SLCO3A1: variants seen among roughly 807,000 people sequenced by gnomAD.
SLCO3A1 encodes PGE1 transporter.
Under a neutral mutation model 63.1 loss-of-function variants are expected in SLCO3A1, and 27 were observed. The ratio of observed to expected loss-of-function variants is 0.43; its 90% CI spans 0.32 to 0.59. SLCO3A1 has a LOEUF of 0.59. SLCO3A1 is among the 20% of genes least tolerant of loss of function. SLCO3A1 has a pLI of 0.09. For missense variants in SLCO3A1, 773 were observed against 945.8 expected (o/e 0.82, Z 2.40); for synonymous variants, 473 against 409.9 (o/e 1.15, Z -1.86).
At chr15:91,876,271 A>G (rs1897396273) in intron 1 of SLCO3A1, among the ~76,000 whole-genome samples, 1 of 152,232 alleles carries the variant, frequency 6.6e-6, no homozygotes, top group Admixed American at 6.5e-5. Flanking sequence ...GGACCAAATG[A>G]GATAAAGTGT....
At chr15:91,963,966 C>T (rs1005003694) in intron 2 of SLCO3A1, among the ~76,000 whole-genome samples, 3 of 152,124 alleles carry the variant, frequency 2.0e-5, no homozygotes, top group Non-Finnish European at 4.4e-5. Flanking sequence ...TTACAGAGTG[C>T]TGATTGGTCC....
intron 7 of SLCO3A1, among the ~76,000 whole-genome samples, chr15:92,145,738 CT>C (rs2048213161): frequency 6.6e-6 from 1 of 152,176 alleles, no homozygotes; most frequent in Admixed American, 6.5e-5. Flanking sequence ...ATAAATGCCC[CT>C]GGGTACCCTA....
intron 2 of SLCO3A1, among the ~76,000 whole-genome samples, chr15:92,008,547 CT>C (rs2046336771): frequency 6.6e-6 from 1 of 152,306 alleles, no homozygotes; most frequent in Middle Eastern, 3.4e-3. Context: ...TTGTGACCTC[CT>C]TTCTAAACTG....
At chr15:92,106,681 A>C (rs756568322) in intron 4 of SLCO3A1, among the ~76,000 whole-genome samples, 16 of 152,218 alleles carry the variant, frequency 1.1e-4, no homozygotes, top group Non-Finnish European at 1.8e-4. Context: ...CAATGGTGCC[A>C]TCAGAGAACT....
At chr15:92,117,701 C>A (rs1037163039) in intron 4 of SLCO3A1, among the ~76,000 whole-genome samples, 3 of 152,196 alleles carry the variant, frequency 2.0e-5, no homozygotes, top group African/African-American at 7.2e-5. Flanking sequence ...CACAGGTACA[C>A]TACACCATCA....
chr15:91,987,013 C>A (rs1274535972), intron 2 of SLCO3A1, among the ~76,000 whole-genome samples: 1 of 152,128 alleles, frequency 6.6e-6, no homozygotes, highest in African/African-American at 2.4e-5. Flanking sequence ...GGCAGGGACA[C>A]AGGCAAGGAC....
chr15:92,147,575 A>G (rs1490740687), intron 8 of SLCO3A1, among the ~76,000 whole-genome samples: 1 of 152,106 alleles, frequency 6.6e-6, no homozygotes, highest in African/African-American at 2.4e-5. Flanking sequence ...TGGGGGTGAT[A>G]TGACCCATCC....
At chr15:92,104,152 A>C in intron 3 of SLCO3A1, 127 bp from the exon 4 acceptor site, 8 of 1,055,334 alleles carry the variant, frequency 7.6e-6, no homozygotes, top group Non-Finnish European at 1.1e-5. Context: ...CCTGGCAGCC[A>C]GTGTTCCCGA....
intron 2 of SLCO3A1, among the ~76,000 whole-genome samples, chr15:92,085,270 C>G (rs74030470): frequency 1.3e-5 from 2 of 152,152 alleles, no homozygotes; most frequent in Non-Finnish European, 2.9e-5. Context: ...TCAGAGTAGC[C>G]GTGTGCCTGC....
Position 91,922,196 on chromosome 15 carries a change from G to GCACACA in SLCO3A1, c.646+5746_646+5751dup, listed in dbSNP as rs71156620. ...GTTAGGCAGACACACGCGCGTGCACGCACACACACACACGGCACAGAGACA... is the reference window on the plus strand; with the variant it reads ...GTTAGGCAGACACACGCGCGTGCACGCACACACACACACACACACGGCACAGAGACA... On this transcript the variant is annotated intron_variant, in intron 2 of 9. Coordinates refer to ENST00000318445, the MANE Select transcript of SLCO3A1 (RefSeq NM_013272.4). Among the ~76,000 whole-genome samples, 18 of 151,432 alleles carry GCACACA rather than the reference G, an allele frequency of 1.2e-4. No homozygotes were observed. The East Asian group carries it at 2.0e-3, about 16-fold the overall frequency.
chr15:92,030,409 G>A (rs7498044), intron 2 of SLCO3A1, among the ~76,000 whole-genome samples: 28,164 of 152,140 alleles, frequency 0.19, 2,816 homozygotes, highest in Non-Finnish European at 0.21. Flanking sequence ...GATGGTGGTG[G>A]TGGGCTGGCA....
At chr15:92,057,422 G>T (rs1487201648) in intron 2 of SLCO3A1, among the ~76,000 whole-genome samples, 1 of 152,188 alleles carries the variant, frequency 6.6e-6, no homozygotes, top group Admixed American at 6.5e-5. Context: ...ATATTGGCAG[G>T]CTCCAAGCAT....
At chr15:92,075,625 A>T (rs1229165175) in intron 2 of SLCO3A1, among the ~76,000 whole-genome samples, 1 of 152,204 alleles carries the variant, frequency 6.6e-6, no homozygotes, top group Non-Finnish European at 1.5e-5. Flanking sequence ...TCAGACAGAT[A>T]GTTTGGCCAT....
rs138254557 is a variant in SLCO3A1, at chr15:92,082,353, C to T, written c.647-12528C>T. ...ACGAAGGCAAGTGGGTGATGAGAAA[C>T]GCAAAGCCCTGACGGAGGGTTTCAC... On this transcript the variant is annotated intron_variant, in intron 2 of 9. Coordinates refer to ENST00000318445, the MANE Select transcript of SLCO3A1 (RefSeq NM_013272.4). Among the ~76,000 whole-genome samples, 354 of 152,292 alleles carry T rather than the reference C, an allele frequency of 2.3e-3. 2 individuals carry two copies. The highest frequency in any genetic ancestry group is 7.7e-3 in the African/African-American group (322 of 41,556).
rs1031563993 is a variant in SLCO3A1, at chr15:92,162,490, G to C, written c.1754-266G>C. ...TAAAGTTAGTCTTCACAGCCATCTG[G>C]TGAAGACTGTAGTATTATCATCATC... On this transcript the variant is annotated intron_variant, in intron 9 of 9. Coordinates refer to ENST00000318445, the MANE Select transcript of SLCO3A1 (RefSeq NM_013272.4). 5 of 432,708 alleles carry C rather than the reference G, an allele frequency of 1.2e-5. No homozygotes were observed. The Admixed American group carries it at 1.2e-4, about 11-fold the overall frequency. The allele number at this position is 432,708 out of a possible 1,614,324, so 26.8% of individuals were successfully genotyped here. A position where few individuals can be genotyped will look rare whatever the true frequency, so the allele number is the denominator to read the frequency against.
chr15:92,047,593 AATATATAAT>A lies in SLCO3A1; in HGVS notation c.647-47280_647-47272del, dbSNP rs2046902133. On this transcript the variant is annotated intron_variant, in intron 2 of 9. Transcript: ENST00000318445. The stretch of plus-strand genomic sequence containing the variant: ...ATAAATATATATATAATATATATAT[AATATATAAT>A]ATATATATAATATATAAATATATAT... 1.1e-3 allele frequency among the ~76,000 whole-genome samples: 7 copies of A among 6,268 alleles called. 2 individuals are homozygous for A. Among genetic ancestry groups the A allele is most frequent in the Non-Finnish European group, 1.3e-3 (3 of 2,310 alleles). The allele number at this position is 6,268 out of a possible 152,430, so 4.1% of individuals were successfully genotyped here. A position where few individuals can be genotyped will look rare whatever the true frequency, so the allele number is the denominator to read the frequency against.
chr15:92,098,638 A>C (rs749166650), intron 3 of SLCO3A1, among the ~76,000 whole-genome samples: 2 of 152,306 alleles, frequency 1.3e-5, no homozygotes, highest in African/African-American at 4.8e-5. Context: ...TCTTAAAGCT[A>C]TACATAGATT....
intron 2 of SLCO3A1, among the ~76,000 whole-genome samples, chr15:91,977,431 G>C (rs1323441982): frequency 6.6e-6 from 1 of 152,196 alleles, no homozygotes; most frequent in Non-Finnish European, 1.5e-5. Context: ...GAGAAAGCCA[G>C]TTCAGTCAGT....
intron 3 of SLCO3A1, among the ~76,000 whole-genome samples, chr15:92,095,722 G>C (rs1323345006): frequency 6.6e-6 from 1 of 151,704 alleles, no homozygotes; most frequent in African/African-American, 2.4e-5. Context: ...TAGGTCAGCA[G>C]TGTCAGGGTC....
Sources: gnomAD v4.1 joint callset for allele counts (sites outside exome capture counted in the v4.1 genomes callset) on GRCh38, gnomAD v4.1.1 for gene constraint, MANE v1.5 for transcripts, NCBI Gene and HGNC (gene_info 2026-07-23, HGNC 2026-07-21) for gene names.